GPHN: variants seen among roughly 807,000 people sequenced by gnomAD.
The protein encoded by GPHN is gephyrin.
In GPHN, 17 loss-of-function variants were observed where a neutral mutation model predicts 95.5. The observed-to-expected ratio is 0.18, with a 90% CI of 0.12 to 0.27. The LOEUF (loss-of-function observed/expected upper bound fraction) is 0.27, where lower values mean the gene tolerates loss of function less well. GPHN is among the 10% of genes least tolerant of loss of function. GPHN has a pLI of 1.00. For synonymous variants in GPHN, 320 were observed against 322.5 expected (o/e 0.99, Z 0.08); for missense variants, 660 against 978.1 (o/e 0.67, Z 4.34).
chr14:66,649,221 C>T (rs539536681), intron 1 of GPHN, among the ~76,000 whole-genome samples: 2 of 152,088 alleles, frequency 1.3e-5, no homozygotes, highest in Non-Finnish European at 2.9e-5. Flanking sequence ...GTAGTCCCAG[C>T]TACTCGGGAG....
the GPHN span, among the ~76,000 whole-genome samples, chr14:67,506,230 T>C: frequency 0.027 from 4,061 of 152,192 alleles, 79 homozygotes; most frequent in Middle Eastern, 0.095. Flanking sequence ...ATAAAGCGGG[T>C]GTATTTTGTA....
chr14:66,714,735 A>G (rs2070002604), intron 2 of GPHN, among the ~76,000 whole-genome samples: 1 of 152,136 alleles, frequency 6.6e-6, no homozygotes, highest in Non-Finnish European at 1.5e-5. Context: ...TGAGATGATA[A>G]TGTGATTTTT....
At chr14:67,095,394 A>G (rs1262888727) in intron 12 of GPHN, among the ~76,000 whole-genome samples, 1 of 152,166 alleles carries the variant, frequency 6.6e-6, no homozygotes, top group Non-Finnish European at 1.5e-5. Flanking sequence ...ATCTAGAACT[A>G]GAAATACCAT....
the GPHN span, chr14:67,279,618 G>A: frequency 8.2e-6 from 11 of 1,333,798 alleles, no homozygotes; most frequent in Non-Finnish European, 1.1e-5. Context: ...AAGGAAGAGG[G>A]TTTAAGAGAA....
chr14:67,477,744 C>T, the GPHN span, among the ~76,000 whole-genome samples: 57 of 152,302 alleles, frequency 3.7e-4, no homozygotes, highest in Non-Finnish European at 4.4e-5. Flanking sequence ...CTAGCCTAGA[C>T]AATGCAGTGA....
In GPHN at chr14:66,657,026, A is replaced by G. The variant is rs561804044; in HGVS notation, c.65-24081A>G. 3.9e-5 allele frequency among the ~76,000 whole-genome samples: 6 copies of G among 152,340 alleles called. No individual in the cohort carries two copies. The South Asian group carries it at 1.2e-3, about 32-fold the overall frequency. ...TCAAAAGCTAGGCCTCTCGCACCAA[A>G]CACTTAGCCAAGGTGTGAATGGAAA... On this transcript the variant is annotated intron_variant, in intron 1 of 22. Coordinates refer to ENST00000478722, the MANE Select transcript of GPHN (RefSeq NM_020806.5).
At chr14:67,292,381 AAT>A in the GPHN span, 4 of 610,188 alleles carry the variant, frequency 6.6e-6, no homozygotes, top group Admixed American at 1.2e-4. Context: ...GATTGACAAT[AAT>A]ATATGCAGAT....
chr14:67,320,499 C>G, the GPHN span: 1 of 1,113,078 alleles, frequency 9.0e-7, no homozygotes, highest in Non-Finnish European at 1.2e-6. Context: ...CATTAAAACA[C>G]TGTTGTCAGT....
the GPHN span, among the ~76,000 whole-genome samples, chr14:67,506,362 AT>A: frequency 6.6e-6 from 1 of 152,336 alleles, no homozygotes; most frequent in East Asian, 1.9e-4. Context: ...ATCCCACTGG[AT>A]AAACATAAAG....
At chr14:67,191,609 A>G in the GPHN span, among the ~76,000 whole-genome samples, 1 of 152,152 alleles carries the variant, frequency 6.6e-6, no homozygotes. Flanking sequence ...CACCCCTACC[A>G]CAGGGTGAAC....
intron 3 of GPHN, among the ~76,000 whole-genome samples, chr14:66,817,628 C>T (rs757445961): frequency 2.6e-5 from 4 of 152,100 alleles, no homozygotes; most frequent in Non-Finnish European, 4.4e-5. Context: ...CCACATGAGT[C>T]TAAGGTCACT....
intron 1 of GPHN, among the ~76,000 whole-genome samples, chr14:66,587,748 T>C (rs1288525741): frequency 6.6e-6 from 1 of 152,206 alleles, no homozygotes; most frequent in African/African-American, 2.4e-5. Context: ...CCAGTGCTTA[T>C]AGATAAAACT....
At chr14:66,721,897 G>T (rs1172711251) in intron 2 of GPHN, among the ~76,000 whole-genome samples, 1 of 147,184 alleles carries the variant, frequency 6.8e-6, no homozygotes, top group South Asian at 2.1e-4. Context: ...CTTGCAGTGA[G>T]CTGAGATTAT....
the GPHN span, chr14:67,301,553 G>C: frequency 3.8e-6 from 3 of 794,112 alleles, no homozygotes; most frequent in Non-Finnish European, 5.9e-6. Flanking sequence ...TGGAAGAGAT[G>C]TCAAACATTC....
chr14:66,910,726 A>G (rs542891926), intron 5 of GPHN, among the ~76,000 whole-genome samples: 2 of 152,132 alleles, frequency 1.3e-5, no homozygotes, highest in African/African-American at 4.8e-5. Context: ...TACAAAAGGC[A>G]CAAACTTTTC....
intron 8 of GPHN, among the ~76,000 whole-genome samples, chr14:66,950,100 T>C (rs1394991459): frequency 2.6e-5 from 4 of 152,060 alleles, no homozygotes; most frequent in East Asian, 1.9e-4. Context: ...AATTCTGTTA[T>C]TTAATAATTC....
intron 9 of GPHN, among the ~76,000 whole-genome samples, chr14:66,977,222 G>A (rs561304530): frequency 3.3e-5 from 5 of 152,124 alleles, no homozygotes; most frequent in Non-Finnish European, 5.9e-5. Flanking sequence ...ACGAGGCCAG[G>A]AGATCGAGAC....
chr14:67,246,340 A>G, the GPHN span, among the ~76,000 whole-genome samples: 43,896 of 150,632 alleles, frequency 0.29, 10,569 homozygotes, highest in African/African-American at 0.64. Context: ...TGTTGCCCAG[A>G]CTGTATTATT....
intron 4 of GPHN, among the ~76,000 whole-genome samples, chr14:66,854,439 T>C (rs1465446565): frequency 1.3e-5 from 2 of 152,266 alleles, no homozygotes; most frequent in East Asian, 3.9e-4. Context: ...GATCCATAAA[T>C]GGGGGGATTA....
Sources: gnomAD v4.1 joint callset for allele counts (sites outside exome capture counted in the v4.1 genomes callset) on GRCh38, gnomAD v4.1.1 for gene constraint, MANE v1.5 for transcripts, NCBI Gene and HGNC (gene_info 2026-07-23, HGNC 2026-07-21) for gene names.